Variants in PRELID2 observed in about 807,000 individuals in gnomAD.
The protein encoded by PRELID2 is PRELI domain containing 2, also known as PRELI domain-containing protein 2.
Under a neutral mutation model 28.4 loss-of-function variants are expected in PRELID2, and 25 were observed. That is an observed-to-expected ratio of 0.88 (90% confidence interval 0.64 to 1.23). PRELID2 has a LOEUF of 1.23. Ranked by LOEUF, PRELID2 falls within the 50% of genes most tolerant of loss-of-function variation. The probability of loss-of-function intolerance (pLI) is 0.00; values close to 1 mark genes in which losing one functional copy is unlikely to be tolerated. For missense variants in PRELID2, 201 were observed against 214.4 expected, an observed-to-expected ratio of 0.94 and a Z score of 0.39; for synonymous variants, 76 against 71.6, an observed-to-expected ratio of 1.06 and a Z score of -0.31.
At chr5:145,817,210 A>ATATATATACAT (rs1561643788) in intron 4 of PRELID2, among the ~76,000 whole-genome samples, 1 of 67,940 alleles carries the variant, frequency 1.5e-5, no homozygotes, top group East Asian at 3.0e-4. Context: ...TAAATAAATA[A>ATATATATACAT]ATAAAAAAAA....
the PRELID2 span, among the ~76,000 whole-genome samples, chr5:145,384,584 TTC>T: frequency 6.6e-6 from 1 of 152,202 alleles, no homozygotes. Context: ...TATTAGGCTG[TTC>T]TTGCATTACT....
chr5:145,790,864 T>C (rs550332752), intron 5 of PRELID2, among the ~76,000 whole-genome samples: 3 of 142,564 alleles, frequency 2.1e-5, no homozygotes, highest in Admixed American at 7.4e-5. Context: ...ATTAAACATA[T>C]AATTAATCCA....
chr5:145,783,290 C>T (rs536669203), intron 5 of PRELID2, among the ~76,000 whole-genome samples: 1 of 152,298 alleles, frequency 6.6e-6, no homozygotes, highest in African/African-American at 2.4e-5. Flanking sequence ...TGTGGATTCC[C>T]AGGTTTCACA....
intron 1 of PRELID2, among the ~76,000 whole-genome samples, chr5:145,826,589 C>T (rs1284524182): frequency 2.6e-5 from 4 of 152,162 alleles, no homozygotes; most frequent in Admixed American, 2.6e-4. Context: ...ACTACAAATA[C>T]CACTGTATAT....
intron 1 of PRELID2, among the ~76,000 whole-genome samples, chr5:145,524,601 C>T (rs1261965912): frequency 1.3e-5 from 2 of 152,174 alleles, no homozygotes; most frequent in Non-Finnish European, 2.9e-5. Context: ...CCCTTGCTAA[C>T]GTGGAAGCTC....
intron 1 of PRELID2, among the ~76,000 whole-genome samples, chr5:145,826,694 G>A (rs972821561): frequency 1.3e-5 from 2 of 151,976 alleles, no homozygotes; most frequent in Non-Finnish European, 2.9e-5. Context: ...TAAAAGATAA[G>A]CCAAGAACTC....
chr5:145,296,477 T>C, the PRELID2 span, among the ~76,000 whole-genome samples: 358 of 152,052 alleles, frequency 2.4e-3, 1 homozygote, highest in African/African-American at 8.4e-3. Flanking sequence ...TTACTGAGAA[T>C]GATGATTTCC....
intron 1 of PRELID2, among the ~76,000 whole-genome samples, chr5:145,681,456 T>C (rs1273721484): frequency 6.6e-6 from 1 of 152,190 alleles, no homozygotes; most frequent in South Asian, 2.1e-4. Flanking sequence ...ACAGAAAATG[T>C]GCTCCAGGAT....
intron 4 of PRELID2, among the ~76,000 whole-genome samples, chr5:145,814,350 A>G (rs1754154455): frequency 6.6e-6 from 1 of 152,194 alleles, no homozygotes; most frequent in Non-Finnish European, 1.5e-5. Context: ...ATTTCTACAT[A>G]CAAAGAAAGG....
chr5:145,325,443 G>A, the PRELID2 span, among the ~76,000 whole-genome samples: 9 of 152,206 alleles, frequency 5.9e-5, no homozygotes, highest in African/African-American at 2.2e-4. Context: ...AACAAGAGTT[G>A]TCTGAGAGGA....
intron 1 of PRELID2, among the ~76,000 whole-genome samples, chr5:145,561,399 G>A (rs987533156): frequency 6.6e-6 from 1 of 151,976 alleles, no homozygotes; most frequent in Admixed American, 6.6e-5. Context: ...CATCCCCTAA[G>A]CACGGCTCCC....
At chr5:145,458,521 G>A in the PRELID2 span, among the ~76,000 whole-genome samples, 2,625 of 152,282 alleles carry the variant, frequency 0.017, 24 homozygotes, top group Non-Finnish European at 0.026. Context: ...GGCAATGTCT[G>A]GAGACTTTTT....
chr5:145,516,175 C>T (rs1005950791), intron 1 of PRELID2, among the ~76,000 whole-genome samples: 9 of 152,122 alleles, frequency 5.9e-5, no homozygotes, highest in African/African-American at 2.2e-4. Flanking sequence ...AAAGGTTATT[C>T]AAATGGGAAG....
intron 1 of PRELID2, among the ~76,000 whole-genome samples, chr5:145,717,146 A>T (rs2149714500): frequency 6.6e-6 from 1 of 152,316 alleles, no homozygotes; most frequent in African/African-American, 2.4e-5. Context: ...TTAATAAATC[A>T]TGCATAGCTA....
intron 1 of PRELID2, among the ~76,000 whole-genome samples, chr5:145,537,004 T>C (rs183501793): frequency 3.3e-5 from 5 of 151,972 alleles, no homozygotes; most frequent in African/African-American, 7.2e-5. Context: ...AATAAGCAAG[T>C]ATTATCTACA....
At chr5:145,259,000 A>G in the PRELID2 span, among the ~76,000 whole-genome samples, 80 of 152,292 alleles carry the variant, frequency 5.3e-4, no homozygotes, top group African/African-American at 1.9e-3. Context: ...GCTCCAGTCC[A>G]GGCTCAAAGG....
At chr5:145,379,524 G>C in the PRELID2 span, among the ~76,000 whole-genome samples, 1 of 152,150 alleles carries the variant, frequency 6.6e-6, no homozygotes, top group Non-Finnish European at 1.5e-5. Context: ...GGTCACTCAG[G>C]GTGAGGTAGG....
intron 1 of PRELID2, among the ~76,000 whole-genome samples, chr5:145,720,786 A>G (rs1277265253): frequency 2.6e-5 from 4 of 151,654 alleles, no homozygotes; most frequent in African/African-American, 9.7e-5. Context: ...AAATAATCTG[A>G]AAAAAAAGTG....
At chr5:145,360,374 G>C in the PRELID2 span, among the ~76,000 whole-genome samples, 1 of 152,138 alleles carries the variant, frequency 6.6e-6, no homozygotes, top group Non-Finnish European at 1.5e-5. Flanking sequence ...GGAGGCAGGA[G>C]TGTAGCCAAT....
Sources: allele counts gnomAD v4.1 joint callset (sites outside exome capture counted in the v4.1 genomes callset), GRCh38; gene constraint gnomAD v4.1.1; transcripts MANE v1.5; gene names NCBI Gene and HGNC (gene_info 2026-07-23, HGNC 2026-07-21).